Variants in CACNA2D3 observed in about 807,000 individuals in gnomAD.
CACNA2D3 encodes the protein calcium voltage-gated channel auxiliary subunit alpha2delta 3, also known as voltage-dependent calcium channel subunit alpha-2/delta-3.
A neutral mutation model predicts 160.6 loss-of-function variants in CACNA2D3; 60 were observed. The observed-to-expected ratio is 0.37, with a 90% CI of 0.30 to 0.46. CACNA2D3 has a LOEUF of 0.46. Among genes scored for constraint, CACNA2D3 ranks in the 20% least tolerant of loss-of-function variants. The pLI, the probability that CACNA2D3 is intolerant of heterozygous loss-of-function variation, is 1.00. For missense variants in CACNA2D3, 1,205 were observed against 1,365.0 expected, an observed-to-expected ratio of 0.88 and a Z score of 1.85; for synonymous variants, 558 against 492.9, an observed-to-expected ratio of 1.13 and a Z score of -1.75.
At chr3:54,204,536 C>T (rs756369899) in intron 2 of CACNA2D3, among the ~76,000 whole-genome samples, 2 of 151,858 alleles carry the variant, frequency 1.3e-5, no homozygotes, top group African/African-American at 2.4e-5. Context: ...GTGGCTCACG[C>T]CTGTAATCCC....
At chr3:54,321,199 AAT>A (rs1703983325) in intron 3 of CACNA2D3, among the ~76,000 whole-genome samples, 1 of 152,102 alleles carries the variant, frequency 6.6e-6, no homozygotes, top group African/African-American at 2.4e-5. Context: ...GGGTGCCTGT[AAT>A]CCCAGCTACT....
intron 11 of CACNA2D3, among the ~76,000 whole-genome samples, chr3:54,663,529 C>T (rs1337981712): frequency 6.6e-6 from 1 of 152,170 alleles, no homozygotes; most frequent in African/African-American, 2.4e-5. Context: ...CAAATGGGGT[C>T]TGGAATTGAT....
chr3:54,350,114 C>G (rs1042570556), intron 3 of CACNA2D3, among the ~76,000 whole-genome samples: 10 of 152,170 alleles, frequency 6.6e-5, no homozygotes, highest in Admixed American at 6.5e-4. Context: ...TTTCCTTCCC[C>G]CTTCCAGTTG....
intron 17 of CACNA2D3, among the ~76,000 whole-genome samples, chr3:54,870,807 G>A (rs1356954776): frequency 6.6e-6 from 1 of 152,178 alleles, no homozygotes; most frequent in African/African-American, 2.4e-5. Flanking sequence ...GCTGTGGCCA[G>A]TGTGACAGCG....
chr3:54,613,940 A>G (rs1698796386), intron 9 of CACNA2D3, among the ~76,000 whole-genome samples: 1 of 152,080 alleles, frequency 6.6e-6, no homozygotes, highest in Non-Finnish European at 1.5e-5. Context: ...CCAAATCACC[A>G]TGAGCCTCTC....
intron 2 of CACNA2D3, among the ~76,000 whole-genome samples, chr3:54,279,109 C>T (rs184593859): frequency 6.6e-6 from 1 of 152,320 alleles, no homozygotes; most frequent in East Asian, 1.9e-4. Context: ...TTTCCTCATT[C>T]CCCAAAGCTT....
intron 31 of CACNA2D3, among the ~76,000 whole-genome samples, chr3:55,000,685 A>G (rs1169436591): frequency 2.0e-5 from 3 of 152,224 alleles, no homozygotes; most frequent in Non-Finnish European, 4.4e-5. Context: ...GAGAATCCTG[A>G]GTTTCCTGCC....
chr3:54,654,272 C>A (rs1286716193), intron 11 of CACNA2D3, among the ~76,000 whole-genome samples: 1 of 152,022 alleles, frequency 6.6e-6, no homozygotes, highest in Non-Finnish European at 1.5e-5. Context: ...GCTCATAGAT[C>A]ATATTTTGGG....
chr3:54,737,484 G>A (rs1418171546), intron 11 of CACNA2D3, among the ~76,000 whole-genome samples: 1 of 152,142 alleles, frequency 6.6e-6, no homozygotes, highest in Non-Finnish European at 1.5e-5. Context: ...AGAACTTCAG[G>A]TGTCAAAGGA....
chr3:54,611,577 G>A (rs79016221), intron 9 of CACNA2D3, among the ~76,000 whole-genome samples: 2,376 of 152,232 alleles, frequency 0.016, 64 homozygotes, highest in African/African-American at 0.054. Context: ...TAGTGTGCCT[G>A]CTTTTGTGCT....
At chr3:54,363,403 T>C (rs1328443075) in intron 3 of CACNA2D3, among the ~76,000 whole-genome samples, 1 of 152,134 alleles carries the variant, frequency 6.6e-6, no homozygotes, top group East Asian at 1.9e-4. Context: ...CCCAGTTCCT[T>C]GCACTCTAGA....
chr3:54,507,375 G>A (rs1575494204), intron 5 of CACNA2D3, among the ~76,000 whole-genome samples: 1 of 152,072 alleles, frequency 6.6e-6, no homozygotes, highest in Non-Finnish European at 1.5e-5. Flanking sequence ...CTCTGCTCTA[G>A]CATTGCTCTG....
intron 17 of CACNA2D3, among the ~76,000 whole-genome samples, chr3:54,868,308 G>C (rs568823130): frequency 2.8e-4 from 42 of 152,288 alleles, no homozygotes; most frequent in African/African-American, 8.2e-4. Flanking sequence ...TGGCTAAGCA[G>C]ACATTGTAGA....
rs1334450914 is a variant in CACNA2D3 at position 54,166,095 on chromosome 3, G to A, written c.204+42501G>A. On this transcript the variant is annotated intron_variant, in intron 2 of 37. Transcript: ENST00000474759. ...CCTGTGTGCCAGGAACCCACGAGGTGGGTGGAGGCTTTGTTGAGATGGTTG... is the reference window on the plus strand; with the variant it reads ...CCTGTGTGCCAGGAACCCACGAGGTAGGTGGAGGCTTTGTTGAGATGGTTG... 2.0e-5 allele frequency among the ~76,000 whole-genome samples: 3 copies of A among 152,188 alleles called. No homozygotes were observed. In the East Asian group the frequency reaches 5.8e-4, roughly 29 times the overall value.
At chr3:54,931,661 G>A (rs1701194941) in intron 27 of CACNA2D3, among the ~76,000 whole-genome samples, 1 of 152,172 alleles carries the variant, frequency 6.6e-6, no homozygotes, top group Admixed American at 6.5e-5. Flanking sequence ...CACCCGTAGA[G>A]TAAAATTGTG....
chr3:54,730,296 A>G (rs1701362380), intron 11 of CACNA2D3, among the ~76,000 whole-genome samples: 2 of 152,146 alleles, frequency 1.3e-5, no homozygotes, highest in Admixed American at 6.5e-5. Context: ...ATCCATGCAA[A>G]GAAGACACAT....
intron 12 of CACNA2D3, among the ~76,000 whole-genome samples, chr3:54,755,307 G>A (rs1701950239): frequency 1.3e-5 from 2 of 152,076 alleles, no homozygotes; most frequent in Non-Finnish European, 2.9e-5. Context: ...CTTCTGTGGG[G>A]GGGCTCAGCA....
At chr3:54,978,429 T>G (rs1022264504) in intron 29 of CACNA2D3, among the ~76,000 whole-genome samples, 2 of 152,144 alleles carry the variant, frequency 1.3e-5, no homozygotes, top group Non-Finnish European at 2.9e-5. Flanking sequence ...TCAGGGTAGA[T>G]AGAGAGGAGC....
intron 4 of CACNA2D3, among the ~76,000 whole-genome samples, chr3:54,434,138 T>C (rs1700028354): frequency 1.3e-5 from 2 of 152,328 alleles, no homozygotes; most frequent in Non-Finnish European, 2.9e-5. Flanking sequence ...GTCAGAGTAC[T>C]GTCAGTGGGG....
Sources: allele counts gnomAD v4.1 joint callset (sites outside exome capture counted in the v4.1 genomes callset), GRCh38; gene constraint gnomAD v4.1.1; transcripts MANE v1.5; gene names NCBI Gene and HGNC (gene_info 2026-07-23, HGNC 2026-07-21).